The following GPC6 variants were observed in gnomAD, a reference collection of about 807,000 sequenced individuals.
The protein encoded by GPC6 is glypican-6.
In GPC6, 14 loss-of-function variants were observed where a neutral mutation model predicts 55.2. That is an observed-to-expected ratio of 0.25 (90% CI 0.17 to 0.40). GPC6 has a LOEUF of 0.40. Among genes scored for constraint, GPC6 ranks in the 10% least tolerant of loss-of-function variants. The pLI is 1.00. For missense variants in GPC6, 641 were observed against 708.5 expected (o/e 0.90, Z 1.08); for synonymous variants, 278 against 259.6 (o/e 1.07, Z -0.68).
At chr13:93,783,022 T>A (rs966066635) in intron 2 of GPC6, among the ~76,000 whole-genome samples, 60 of 152,142 alleles carry the variant, frequency 3.9e-4, no homozygotes, top group Non-Finnish European at 4.4e-5. Flanking sequence ...CCACTGTGTG[T>A]CCATGTGTTC....
At chr13:93,751,468 C>T (rs1884588375) in intron 2 of GPC6, among the ~76,000 whole-genome samples, 1 of 151,112 alleles carries the variant, frequency 6.6e-6, no homozygotes, top group African/African-American at 2.4e-5. Flanking sequence ...TTGCTTTGTC[C>T]CTGTGGCTAT....
At chr13:93,573,322 T>C (rs1876499589) in intron 2 of GPC6, among the ~76,000 whole-genome samples, 2 of 152,094 alleles carry the variant, frequency 1.3e-5, no homozygotes, top group African/African-American at 2.4e-5. Context: ...AGCAATGTTA[T>C]GGATAATGTG....
chr13:93,449,376 C>T (rs915150936), intron 1 of GPC6, among the ~76,000 whole-genome samples: 3 of 152,182 alleles, frequency 2.0e-5, no homozygotes, highest in African/African-American at 7.2e-5. Context: ...GGCACCCTGT[C>T]ATGGAGGTCC....
At chr13:93,532,653 A>G (rs938548832) in intron 1 of GPC6, among the ~76,000 whole-genome samples, 1 of 152,066 alleles carries the variant, frequency 6.6e-6, no homozygotes, top group African/African-American at 2.4e-5. Flanking sequence ...TTATCCCTTG[A>G]TTATTCTGAT....
intron 1 of GPC6, among the ~76,000 whole-genome samples, chr13:93,428,570 A>T (rs1293669818): frequency 6.6e-6 from 1 of 152,132 alleles, no homozygotes; most frequent in Non-Finnish European, 1.5e-5. Flanking sequence ...GGCCTTGGAG[A>T]CAAATAGAGG....
intron 2 of GPC6, among the ~76,000 whole-genome samples, chr13:93,812,723 C>T (rs974028729): frequency 2.0e-5 from 3 of 152,208 alleles, no homozygotes; most frequent in Admixed American, 6.5e-5. Context: ...GCAAGTGTTT[C>T]GTTCTTGAGA....
chr13:93,310,423 A>T (rs1879027228), intron 1 of GPC6, among the ~76,000 whole-genome samples: 1 of 152,122 alleles, frequency 6.6e-6, no homozygotes, highest in Non-Finnish European at 1.5e-5. Flanking sequence ...GAGTGAGCAA[A>T]ACCAGAATCA....
chr13:93,709,965 A>G (rs767442461), intron 2 of GPC6, among the ~76,000 whole-genome samples: 1 of 151,818 alleles, frequency 6.6e-6, no homozygotes, highest in Admixed American at 6.6e-5. Flanking sequence ...CACATTCAGA[A>G]AGGCTATATA....
chr13:94,041,275 G>T (rs1883522475), intron 4 of GPC6, among the ~76,000 whole-genome samples: 1 of 151,750 alleles, frequency 6.6e-6, no homozygotes, highest in Non-Finnish European at 1.5e-5. Context: ...ATTCAGCAGA[G>T]GAATAGCCAC....
chr13:93,853,865 T>C (rs549596542), intron 3 of GPC6, among the ~76,000 whole-genome samples: 7 of 151,840 alleles, frequency 4.6e-5, no homozygotes, highest in African/African-American at 1.4e-4. Flanking sequence ...ATGAACACTA[T>C]TAAAATTCAC....
At chr13:94,269,587 T>C (rs193164237) in intron 4 of GPC6, among the ~76,000 whole-genome samples, 1 of 152,322 alleles carries the variant, frequency 6.6e-6, no homozygotes, top group East Asian at 1.9e-4. Context: ...CCCACACAGC[T>C]TGTGTTTGCT....
At chr13:94,304,670 G>A (rs1183452132) in intron 5 of GPC6, among the ~76,000 whole-genome samples, 3 of 152,146 alleles carry the variant, frequency 2.0e-5, no homozygotes, top group Non-Finnish European at 2.9e-5. Flanking sequence ...ATTATCTCTC[G>A]ATAACCAGCA....
At chr13:93,844,543 A>C (rs937791953) in intron 3 of GPC6, among the ~76,000 whole-genome samples, 19 of 151,668 alleles carry the variant, frequency 1.3e-4, no homozygotes, top group Admixed American at 2.6e-4. Flanking sequence ...TCTGGATATT[A>C]GCCCTTTTTC....
At chr13:93,246,789 CAAAAAAAAAAAAAAA>C (rs767827311) in intron 1 of GPC6, among the ~76,000 whole-genome samples, 2 of 40,848 alleles carry the variant, frequency 4.9e-5, no homozygotes, top group Non-Finnish European at 4.1e-5. Context: ...AAGACTGTCT[CAAAAAAAAAAAAAAA>C]AAAAAAAAAA....
At chr13:93,642,562 G>T (rs888725143) in intron 2 of GPC6, among the ~76,000 whole-genome samples, 12 of 151,990 alleles carry the variant, frequency 7.9e-5, no homozygotes, top group African/African-American at 2.9e-4. Context: ...AGTTCTTTGA[G>T]AAATCTTTAA....
At chr13:93,611,802 GC>G in intron 2 of GPC6, among the ~76,000 whole-genome samples, 1 of 152,274 alleles carries the variant, frequency 6.6e-6, no homozygotes, top group South Asian at 2.1e-4. Context: ...ATTTGTGGGT[GC>G]TTTTAATTTT....
intron 2 of GPC6, among the ~76,000 whole-genome samples, chr13:93,656,560 C>T (rs565620677): frequency 6.6e-4 from 100 of 152,130 alleles, no homozygotes; most frequent in African/African-American, 2.3e-3. Context: ...CTTAGAGGCA[C>T]GGTAGCCTGA....
intron 4 of GPC6, among the ~76,000 whole-genome samples, chr13:94,207,227 C>A (rs1889931823): frequency 6.6e-6 from 1 of 152,138 alleles, no homozygotes; most frequent in Non-Finnish European, 1.5e-5. Flanking sequence ...GAGATCTGTG[C>A]TCCTTCCTTC....
intron 3 of GPC6, among the ~76,000 whole-genome samples, chr13:93,985,689 C>CAAAAAAAAAAAAAAAAAA: frequency 1.4e-5 from 1 of 69,402 alleles, no homozygotes; most frequent in Non-Finnish European, 2.5e-5. Context: ...AAGACCTGGC[C>CAAAAAAAAAAAAAAAAAA]AAAAAAAAAA....
Sources: gnomAD v4.1 joint callset for allele counts (sites outside exome capture counted in the v4.1 genomes callset) on GRCh38, gnomAD v4.1.1 for gene constraint, MANE v1.5 for transcripts, NCBI Gene and HGNC (gene_info 2026-07-23, HGNC 2026-07-21) for gene names.